SLC7A6OS: variants seen among roughly 807,000 people sequenced by gnomAD.
The protein encoded by SLC7A6OS is probable RNA polymerase II nuclear localization protein SLC7A6OS.
In SLC7A6OS, 22 loss-of-function variants were observed where a neutral mutation model predicts 34.3. The ratio of observed to expected loss-of-function variants is 0.64; its 90% CI spans 0.46 to 0.92. SLC7A6OS has a LOEUF of 0.92. SLC7A6OS is among the 40% of genes least tolerant of loss of function. The pLI is 0.00. For missense variants in SLC7A6OS, 434 were observed against 407.7 expected (o/e 1.06, Z -0.56); for synonymous variants, 199 against 165.0 (o/e 1.21, Z -1.58).
chr16:68,301,597 C>T (rs1022907316), intron 4 of SLC7A6OS, 192 bp from the exon 5 acceptor site: 24 of 449,544 alleles, frequency 5.3e-5, no homozygotes, highest in Non-Finnish European at 8.5e-5. Context: ...AAACCAAGTT[C>T]CTTCACACTG....
intron 2 of SLC7A6OS, among the ~76,000 whole-genome samples, chr16:68,307,954 T>G (rs2043338244): frequency 6.6e-6 from 1 of 152,186 alleles, no homozygotes; most frequent in African/African-American, 2.4e-5. Context: ...CAGGCTGGAG[T>G]GCAGTGGTGC....
chr16:68,301,311 G>T lies in SLC7A6OS; in HGVS notation c.894C>A (p.Phe298Leu), dbSNP rs199896252. ...SKYPLDVQKE[F>L]GYDSPHDLDS... ...CCAGGTCGTGGGGGCTGTCATAGCC[G>T]AACTCCTTCTGCACATCCAGAGGGT... The change falls in exon 5 of 5, where the codon TTC (phenylalanine) becomes TTA (leucine). Residue 298 changes from phenylalanine (F) to leucine (L), a missense_variant. Physicochemically the swap from Phe to Leu is conservative, Grantham distance 22. Coordinates refer to ENST00000263997, the MANE Select transcript of SLC7A6OS (RefSeq NM_032178.3). The T allele has an allele frequency of 6.2e-7, 1 of 1,613,938 alleles. No homozygotes were observed. The highest frequency in any genetic ancestry group is 8.5e-7 in the Non-Finnish European group (1 of 1,179,972).
At position 68,310,426 on chromosome 16, in the gene SLC7A6OS, T is replaced by C. The variant is rs142496712; in HGVS notation, c.380A>G (p.Asn127Ser). The C allele has an allele frequency of 1.0e-3, 1,637 of 1,608,806 alleles. 12 individuals are homozygous for C. The highest frequency in any genetic ancestry group is 2.0e-4 in the Non-Finnish European group (240 of 1,177,996). The change falls in exon 2 of 5, where the codon AAC becomes AGC. Residue 127 changes from asparagine (N) to serine (S), a missense_variant. Physicochemically the swap from Asn to Ser is conservative, Grantham distance 46. Coordinates refer to ENST00000263997, the MANE Select transcript of SLC7A6OS (RefSeq NM_032178.3). ...GCCCGAGTTCCCGGCGGCTTCTGGGTTCCCCGGCGTGTACTCGGACTCCTG... is the reference window on the plus strand; with the variant it reads ...GCCCGAGTTCCCGGCGGCTTCTGGGCTCCCCGGCGTGTACTCGGACTCCTG... ...SGQESEYTPGNPEAAGNSGFQ... is the reference protein window; with the variant it reads ...SGQESEYTPGSPEAAGNSGFQ...
chr16:68,310,310 C>A (rs752283814), intron 2 of SLC7A6OS, 25 bp downstream of exon 2: 1 of 1,554,196 alleles, frequency 6.4e-7, no homozygotes, highest in Admixed American at 1.9e-5. Context: ...AGAAGCCCAG[C>A]GACCACCTTC....
chr16:68,303,953 G>T, intron 3 of SLC7A6OS, 73 bp downstream of exon 3: 1 of 1,368,200 alleles, frequency 7.3e-7, no homozygotes, highest in South Asian at 1.2e-5. Flanking sequence ...GTGGAGCCCA[G>T]GGAAGCAAAG....
In SLC7A6OS at chr16:68,301,366, C is replaced by T. The variant is rs765813443; in HGVS notation, c.839G>A (p.Gly280Asp). 6.2e-7 allele frequency: 1 copy of T among 1,614,124 alleles called. No individual in the cohort carries two copies. Among genetic ancestry groups the T allele is most frequent in the Non-Finnish European group, 8.5e-7 (1 of 1,180,002 alleles). The part of the protein sequence containing the change: ...DYNSLSEEER[G>D]SSRQRMWSKY... ...GCTCCACATCCGCTGTCTGCTGCTGCCTCTTTCCTCCTCACTCAGGCTGTT... is the reference window on the plus strand; with the variant it reads ...GCTCCACATCCGCTGTCTGCTGCTGTCTCTTTCCTCCTCACTCAGGCTGTT... The change falls in exon 5 of 5, where the codon GGC becomes GAC. Residue 280 changes from glycine to aspartate, a missense_variant. Transcript: ENST00000263997.
chr16:68,300,890 T>C lies in SLC7A6OS; in HGVS notation c.*385A>G. 1 of 991,300 alleles carries C rather than the reference T, an allele frequency of 1.0e-6. No individual in the cohort carries two copies. Among genetic ancestry groups the C allele is most frequent in the Non-Finnish European group, 1.2e-6 (1 of 834,048 alleles). The allele number at this position is 991,300 out of a possible 1,614,324, so 61.4% of individuals were successfully genotyped here. A position where few individuals can be genotyped will look rare whatever the true frequency, so the allele number is the denominator to read the frequency against. ...GTTTTCCTAGAGGCAGGCAGCCTGGTGGTATGGCACAGCAGAAGCTTACTG... is the reference window on the plus strand; with the variant it reads ...GTTTTCCTAGAGGCAGGCAGCCTGGCGGTATGGCACAGCAGAAGCTTACTG... On this transcript the variant is annotated 3_prime_UTR_variant, in exon 5 of 5. Transcript: ENST00000263997.
In SLC7A6OS at chr16:68,299,080, G is replaced by C. The variant is rs1349718003; in HGVS notation, c.*2195C>G. On this transcript the variant is annotated 3_prime_UTR_variant, in exon 5 of 5. Coordinates refer to ENST00000263997, the MANE Select transcript of SLC7A6OS (RefSeq NM_032178.3). ...CATGGGGTGACATTCCTACTGTCAT[G>C]GGTTTGGGATTTGTAACGGCAAATT... 2 of 152,648 alleles carry C rather than the reference G, an allele frequency of 1.3e-5. No individual in the cohort carries two copies. Among genetic ancestry groups the C allele is most frequent in the African/African-American group, 4.8e-5 (2 of 41,452 alleles). The allele number at this position is 152,648 out of a possible 1,614,324, so 9.5% of individuals were successfully genotyped here. A position where few individuals can be genotyped will look rare whatever the true frequency, so the allele number is the denominator to read the frequency against.
intron 3 of SLC7A6OS, among the ~76,000 whole-genome samples, chr16:68,302,843 C>T (rs1040771637): frequency 6.6e-6 from 1 of 152,220 alleles, no homozygotes; most frequent in Non-Finnish European, 1.5e-5. Context: ...AAGGGCCATG[C>T]AGTGGTCCAA....
chr16:68,309,397 C>G (rs1417180211), intron 2 of SLC7A6OS, among the ~76,000 whole-genome samples: 1 of 152,072 alleles, frequency 6.6e-6, no homozygotes, highest in Admixed American at 6.5e-5. Context: ...GGGTCTCACT[C>G]TGTCACCTAG....
In SLC7A6OS at chr16:68,300,571, G is replaced by C. The variant is rs973393245; in HGVS notation, c.*704C>G. On this transcript the variant is annotated 3_prime_UTR_variant, in exon 5 of 5. Coordinates refer to ENST00000263997, the MANE Select transcript of SLC7A6OS (RefSeq NM_032178.3). The stretch of plus-strand genomic sequence containing the variant: ...ACCTTCTATTTCACTACCGCTCCCT[G>C]TTTTAGATATTCAGATTTAAAAGGT... 2 of 961,796 alleles carry C rather than the reference G, an allele frequency of 2.1e-6. No individual in the cohort carries two copies. Among genetic ancestry groups the C allele is most frequent in the Non-Finnish European group, 2.5e-6 (2 of 808,860 alleles). 59.6% of individuals were successfully genotyped at this position (961,796 alleles called of 1,614,324 possible).
chr16:68,301,138 G>C lies in SLC7A6OS; in HGVS notation c.*137C>G. 1 of 1,446,434 alleles carries C rather than the reference G, an allele frequency of 6.9e-7. No individual in the cohort carries two copies. The highest frequency in any genetic ancestry group is 1.5e-5 in the South Asian group (1 of 64,898). 89.6% of individuals were successfully genotyped at this position (1,446,434 alleles called of 1,614,324 possible). A position where few individuals can be genotyped will look rare whatever the true frequency, so the allele number is the denominator to read the frequency against. On this transcript the variant is annotated 3_prime_UTR_variant, in exon 5 of 5. Transcript: ENST00000263997. Reference sequence around the variant, plus strand: ...TAAGTTTTCACTGTGGTGGGATGGTGCCGCCCGATATGCTTGATATGCTTT... The same window carrying C: ...TAAGTTTTCACTGTGGTGGGATGGTCCCGCCCGATATGCTTGATATGCTTT...
chr16:68,300,391 T>C lies in SLC7A6OS; in HGVS notation c.*884A>G, dbSNP rs912708813. ...ACGGACAGAGTCTGCTTAGAAGAGA[T>C]ACAAGTTGTTAATAAAATTGATCCT... On this transcript the variant is annotated 3_prime_UTR_variant, in exon 5 of 5. Coordinates refer to ENST00000263997, the MANE Select transcript of SLC7A6OS (RefSeq NM_032178.3). 1.3e-5 allele frequency: 2 copies of C among 154,450 alleles called. No individual in the cohort carries two copies. Among genetic ancestry groups the C allele is most frequent in the African/African-American group, 2.4e-5 (1 of 41,488 alleles). The allele number at this position is 154,450 out of a possible 1,614,324, so 9.6% of individuals were successfully genotyped here. A position where few individuals can be genotyped will look rare whatever the true frequency, so the allele number is the denominator to read the frequency against.
chr16:68,302,274 G>T, intron 4 of SLC7A6OS, 107 bp downstream of exon 4: 1 of 1,370,510 alleles, frequency 7.3e-7, no homozygotes, highest in Non-Finnish European at 1.0e-6. Context: ...TGGGCTGCTG[G>T]CGCTCAATGA....
At chr16:68,310,663 G>A in intron 1 of SLC7A6OS, 50 bp from the exon 2 acceptor site, 4 of 1,578,346 alleles carry the variant, frequency 2.5e-6, no homozygotes, top group Non-Finnish European at 3.5e-6. Context: ...GTTCGCGAGC[G>A]GGTCAGGGAT....
chr16:68,303,947 A>G (rs962617825), intron 3 of SLC7A6OS, 79 bp downstream of exon 3: 5 of 1,292,754 alleles, frequency 3.9e-6, no homozygotes, highest in Non-Finnish European at 4.4e-6. Context: ...TCGGGAGTGG[A>G]GCCCAGGGAA....
At chr16:68,310,946 TG>T, upstream of SLC7A6OS, 1 of 1,558,830 alleles carries the variant, frequency 6.4e-7, no homozygotes, top group Non-Finnish European at 8.6e-7. Context: ...CGCTGAGCAC[TG>T]TGGGAGCTCG....
At position 68,300,902 on chromosome 16, in the gene SLC7A6OS, G is replaced by T; in HGVS notation, c.*373C>A. ...GCAGGCAGCCTGGTGGTATGGCACA[G>T]CAGAAGCTTACTGCTAATGAAATGG... is the stretch of plus-strand genomic sequence containing the variant. On this transcript the variant is annotated 3_prime_UTR_variant, in exon 5 of 5. Transcript: ENST00000263997. The T allele has an allele frequency of 1.0e-6, 1 of 995,542 alleles. No individual in the cohort carries two copies. The highest frequency in any genetic ancestry group is 1.2e-6 in the Non-Finnish European group (1 of 836,410). The allele number at this position is 995,542 out of a possible 1,614,324, so 61.7% of individuals were successfully genotyped here. A position where few individuals can be genotyped will look rare whatever the true frequency, so the allele number is the denominator to read the frequency against.
At position 68,300,980 on chromosome 16, in the gene SLC7A6OS, T is replaced by C. The variant is rs992909114; in HGVS notation, c.*295A>G. ...CACAGAACCTGAATGCCAGGAAAAA[T>C]TCCTGGGCCAAGAAGCTAAAGCTAA... On this transcript the variant is annotated 3_prime_UTR_variant, in exon 5 of 5. Transcript: ENST00000263997. 9.6e-7 allele frequency: 1 copy of C among 1,038,898 alleles called. No individual in the cohort carries two copies. Among genetic ancestry groups the C allele is most frequent in the African/African-American group, 1.7e-5 (1 of 59,230 alleles). The allele number at this position is 1,038,898 out of a possible 1,614,324, so 64.4% of individuals were successfully genotyped here.
Sources: gnomAD v4.1 joint callset for allele counts (sites outside exome capture counted in the v4.1 genomes callset) on GRCh38, gnomAD v4.1.1 for gene constraint, MANE v1.5 for transcripts, NCBI Gene and HGNC (gene_info 2026-07-23, HGNC 2026-07-21) for gene names.